Variants in KLF15 observed in about 807,000 individuals in gnomAD.
KLF15 encodes Krueppel-like factor 15.
KLF15 carries 4 observed loss-of-function variants against 24.6 expected under a neutral mutation model. The ratio of observed to expected loss-of-function variants is 0.16; its 90% CI spans 0.08 to 0.37. The LOEUF (loss-of-function observed/expected upper bound fraction) is 0.37, where lower values mean the gene tolerates loss of function less well. KLF15 is among the 10% of genes least tolerant of loss of function. The pLI is 1.00. For synonymous variants in KLF15, 246 were observed against 236.3 expected (o/e 1.04, Z -0.37); for missense variants, 496 against 560.6 (o/e 0.88, Z 1.16).
At chr3:126,295,681 G>T in the KLF15 span, among the ~76,000 whole-genome samples, 1 of 152,172 alleles carries the variant, frequency 6.6e-6, no homozygotes, top group Non-Finnish European at 1.5e-5. Flanking sequence ...CCAAACTTTA[G>T]TCAGGCTTCT....
chr3:126,292,561 C>T, the KLF15 span, among the ~76,000 whole-genome samples: 4 of 152,252 alleles, frequency 2.6e-5, no homozygotes, highest in Admixed American at 6.5e-5. Flanking sequence ...CCTGCTCTCA[C>T]GGATGGGCAT....
chr3:126,295,177 T>C, the KLF15 span, among the ~76,000 whole-genome samples: 3 of 152,168 alleles, frequency 2.0e-5, no homozygotes, highest in Non-Finnish European at 4.4e-5. Context: ...CATACATATA[T>C]AAATATATAT....
In KLF15 at chr3:126,356,298, CA is replaced by C. The variant is rs2082632046; in HGVS notation, c.-26+938del. Among the ~76,000 whole-genome samples, 1 of 152,158 alleles carries C rather than the reference CA, an allele frequency of 6.6e-6. No individual in the cohort carries two copies. The highest frequency in any genetic ancestry group is 6.5e-5 in the Admixed American group (1 of 15,292). On this transcript the variant is annotated intron_variant, in intron 1 of 2. Transcript: ENST00000296233. The surrounding 1 kb of genome is among the most constrained non-coding windows in gnomAD (Gnocchi z 4.4). ...CCAGGGGCCACCTGGTCCGGGGGGA[CA>C]GGGGGAAGGAGATTTGAGGCTCTCA...
chr3:126,357,086 C>A (rs183144441), intron 1 of KLF15, among the ~76,000 whole-genome samples, 151 bp downstream of exon 1: 2,773 of 151,640 alleles, frequency 0.018, 86 homozygotes, highest in African/African-American at 0.063. Flanking sequence ...TCCGCGGGGG[C>A]CCATCCCGCT....
At chr3:126,337,923 G>C (rs1042514972), downstream of KLF15, among the ~76,000 whole-genome samples, 1 of 152,180 alleles carries the variant, frequency 6.6e-6, no homozygotes, top group African/African-American at 2.4e-5. Flanking sequence ...GGTGCAAAAA[G>C]CAAGTCCCTG....
chr3:126,319,159 G>A, the KLF15 span, among the ~76,000 whole-genome samples: 4 of 152,012 alleles, frequency 2.6e-5, no homozygotes, highest in East Asian at 1.9e-4. Context: ...ATATTCCATC[G>A]TCTCGATGTA....
At chr3:126,303,136 G>T in the KLF15 span, among the ~76,000 whole-genome samples, 1 of 152,002 alleles carries the variant, frequency 6.6e-6, no homozygotes, top group Non-Finnish European at 1.5e-5. Context: ...CTTTACATTA[G>T]CCAAAATACC....
At chr3:126,347,329 C>A (rs1041078855) in intron 2 of KLF15, among the ~76,000 whole-genome samples, 4 of 152,170 alleles carry the variant, frequency 2.6e-5, no homozygotes, top group African/African-American at 4.8e-5. Flanking sequence ...GGGGCCTCTG[C>A]CTACAGAGGG....
Position 126,352,773 on chromosome 3 carries a change from G to A in KLF15, c.150C>T (p.Cys50=). The A allele has an allele frequency of 6.3e-7, 1 of 1,577,008 alleles. No homozygotes were observed. ...CTTGAGAGTCGGGACTGGAACAGGA[G>A]CAGGGGCTGGAGGCATCGCTGTCAT... is the stretch of plus-strand genomic sequence containing the variant. ...SEDDSDASSP[C]SCSSPDSQAL... is the part of the protein sequence containing the mutation. The change falls in exon 2 of 3, where the codon TGC becomes TGT. Residue 50 remains cysteine (C), a synonymous_variant. Transcript: ENST00000296233.
At chr3:126,321,513 A>G in the KLF15 span, among the ~76,000 whole-genome samples, 4 of 152,234 alleles carry the variant, frequency 2.6e-5, no homozygotes, top group African/African-American at 7.2e-5. Flanking sequence ...CCACACATGC[A>G]TGCAGTCCAG....
the KLF15 span, among the ~76,000 whole-genome samples, chr3:126,329,072 A>T: frequency 6.6e-6 from 1 of 152,228 alleles, no homozygotes; most frequent in Non-Finnish European, 1.5e-5. Flanking sequence ...TATCTTTTCC[A>T]TAATGGCACC....
At chr3:126,314,379 C>T in the KLF15 span, among the ~76,000 whole-genome samples, 1 of 152,168 alleles carries the variant, frequency 6.6e-6, no homozygotes, top group Non-Finnish European at 1.5e-5. Context: ...TTGAATGGGC[C>T]AAGCACAGCT....
downstream of KLF15, among the ~76,000 whole-genome samples, chr3:126,341,082 T>C (rs1344173923): frequency 6.6e-6 from 1 of 152,158 alleles, no homozygotes; most frequent in Non-Finnish European, 1.5e-5. Context: ...CAACAGGCAG[T>C]GCGGCCCCAT....
chr3:126,328,068 A>G, the KLF15 span, among the ~76,000 whole-genome samples: 1 of 151,988 alleles, frequency 6.6e-6, no homozygotes, highest in Admixed American at 6.6e-5. Context: ...GTAATCTTTT[A>G]TACCTTGCCC....
At chr3:126,330,951 G>C in the KLF15 span, among the ~76,000 whole-genome samples, 1 of 152,182 alleles carries the variant, frequency 6.6e-6, no homozygotes, top group African/African-American at 2.4e-5. Context: ...CCTCTCATAA[G>C]GGCAGCAGAG....
chr3:126,355,502 G>A (rs754709569), intron 1 of KLF15, among the ~76,000 whole-genome samples: 68 of 151,970 alleles, frequency 4.5e-4, no homozygotes, highest in Non-Finnish European at 5.7e-4. Context: ...GTTAGATCTC[G>A]GCTCAGAAGT....
intron 1 of KLF15, among the ~76,000 whole-genome samples, chr3:126,353,851 G>A (rs564094053): frequency 7.2e-5 from 11 of 152,318 alleles, no homozygotes; most frequent in Middle Eastern, 3.4e-3. Context: ...AGTGGAAGCA[G>A]ACCACTGGGG....
chr3:126,349,412 T>C (rs2082563419), intron 2 of KLF15, among the ~76,000 whole-genome samples: 1 of 152,118 alleles, frequency 6.6e-6, no homozygotes, highest in Non-Finnish European at 1.5e-5. Context: ...CTACACCTTC[T>C]CTTGCCAAGT....
the KLF15 span, among the ~76,000 whole-genome samples, chr3:126,315,138 G>A: frequency 6.6e-6 from 1 of 152,130 alleles, no homozygotes; most frequent in Non-Finnish European, 1.5e-5. Flanking sequence ...GACCACTTGG[G>A]GTTCCCCCAT....
Sources: allele counts gnomAD v4.1 joint callset (sites outside exome capture counted in the v4.1 genomes callset), GRCh38; gene constraint gnomAD v4.1.1; non-coding constraint Gnocchi (gnomAD v3.1); transcripts MANE v1.5; gene names NCBI Gene and HGNC (gene_info 2026-07-23, HGNC 2026-07-21).